Variants in MARCHF7 observed in about 807,000 individuals in gnomAD.
MARCHF7 encodes E3 ubiquitin-protein ligase MARCHF7.
MARCHF7 carries 20 observed loss-of-function variants against 76.5 expected under a neutral mutation model. The observed-to-expected ratio is 0.26, with a 90% CI of 0.18 to 0.38. The LOEUF (loss-of-function observed/expected upper bound fraction) is 0.38. Ranked by LOEUF, MARCHF7 falls within the 10% of genes least tolerant of loss-of-function variation. MARCHF7 has a pLI of 1.00. For missense variants in MARCHF7, 797 were observed against 812.9 expected (o/e 0.98, Z 0.24); for synonymous variants, 295 against 293.0 (o/e 1.01, Z -0.07).
intron 3 of MARCHF7, among the ~76,000 whole-genome samples, chr2:159,720,605 A>T (rs751484989): frequency 6.6e-6 from 1 of 151,944 alleles, no homozygotes; most frequent in Non-Finnish European, 1.5e-5. Context: ...GTAGTATCTT[A>T]TTTTGCTGTA....
intron 8 of MARCHF7, among the ~76,000 whole-genome samples, chr2:159,753,902 AAAC>A (rs1352363635): frequency 6.6e-6 from 1 of 152,178 alleles, no homozygotes; most frequent in Non-Finnish European, 1.5e-5. Context: ...AATGAAGGAG[AAAC>A]AACAATTAGG....
In MARCHF7 at chr2:159,748,178, A is replaced by C. The variant is rs1302370499; in HGVS notation, c.888A>C (p.Ser296=). ...IASSMSSTFF[S]RRSSQDSLNT... is the part of the protein sequence containing the mutation. ...CTAGCATGTCATCTACTTTTTTTTC[A>C]CGAAGATCTAGTCAGGATTCCTTGA... Residue 296 remains serine (S), a synonymous_variant, in exon 7 of 12, where the codon TCA becomes TCC. Transcript: ENST00000409175. 6.2e-7 allele frequency: 1 copy of C among 1,610,920 alleles called. No homozygotes were observed. The highest frequency in any genetic ancestry group is 8.5e-7 in the Non-Finnish European group (1 of 1,179,182).
intron 4 of MARCHF7, among the ~76,000 whole-genome samples, chr2:159,736,812 T>C (rs1363766834): frequency 6.6e-6 from 1 of 152,210 alleles, no homozygotes; most frequent in Non-Finnish European, 1.5e-5. Context: ...TTCTATTCAT[T>C]GTGCATAGAG....
chr2:159,752,199 C>G (rs554423132), intron 7 of MARCHF7, among the ~76,000 whole-genome samples: 2 of 152,158 alleles, frequency 1.3e-5, no homozygotes, highest in South Asian at 4.2e-4. Flanking sequence ...TTTTTATTCT[C>G]AATGAGAGAG....
intron 4 of MARCHF7, chr2:159,733,977 G>A (rs764280421): frequency 9.0e-5 from 117 of 1,303,580 alleles, no homozygotes; most frequent in Admixed American, 7.4e-4. Flanking sequence ...TGTAAGCTGC[G>A]CTTCACCTGC....
In MARCHF7 at chr2:159,748,054, G is replaced by A. The variant is rs760875848; in HGVS notation, c.764G>A (p.Ser255Asn). 1 of 1,614,140 alleles carries A rather than the reference G, an allele frequency of 6.2e-7. No homozygotes were observed. The highest frequency in any genetic ancestry group is 1.7e-5 in the Admixed American group (1 of 60,018). The change falls in exon 7 of 12, where the codon AGC (serine) becomes AAC (asparagine). Residue 255 changes from serine (S) to asparagine (N), a missense_variant. Ser to Asn is a conservative substitution (Grantham distance 46). This residue lies in a region of MARCHF7 where 643 missense variants were observed against 631.5 expected (regional missense o/e 1.02). Coordinates refer to ENST00000409175, the MANE Select transcript of MARCHF7 (RefSeq NM_001282805.2). ...AGTAGAGATGAAGCCCCAATCATAA[G>A]CAATTCAGAAAGGGTTGTTTCATCT... ...SSSRDEAPII[S>N]NSERVVSSQR... is the part of the protein sequence containing the mutation.
intron 3 of MARCHF7, among the ~76,000 whole-genome samples, chr2:159,718,624 G>A (rs1008666439): frequency 6.6e-6 from 1 of 152,154 alleles, no homozygotes; most frequent in African/African-American, 2.4e-5. Flanking sequence ...GGAGTTCACA[G>A]CTTTCCAAAT....
chr2:159,733,051 A>G (rs984961366), intron 4 of MARCHF7: 4 of 593,702 alleles, frequency 6.7e-6, no homozygotes, highest in Non-Finnish European at 8.3e-6. Context: ...TATAATTGTT[A>G]TTTTTATTTA....
intron 4 of MARCHF7, chr2:159,733,235 C>A: frequency 1.2e-6 from 1 of 869,372 alleles, no homozygotes; most frequent in Non-Finnish European, 1.4e-6. Context: ...TCAAAGGGAG[C>A]ATTTTAAAAT....
At chr2:159,746,555 C>T (rs1704919004) in intron 6 of MARCHF7, among the ~76,000 whole-genome samples, 1 of 152,224 alleles carries the variant, frequency 6.6e-6, no homozygotes, top group Non-Finnish European at 1.5e-5. Flanking sequence ...GCATATGCCA[C>T]CATGCCCAGC....
chr2:159,762,893 T>A lies in MARCHF7; in HGVS notation c.1907T>A (p.Phe636Tyr). ...AHANEQAEYE[F>Y]ISSGLYLVVL... ...TCCCTGTTGAAGGCTGAGTATGAGTTTATCAGCTCTGGTCTCTACCTAGTG... is the reference window on the plus strand; with the variant it reads ...TCCCTGTTGAAGGCTGAGTATGAGTATATCAGCTCTGGTCTCTACCTAGTG... The change falls in exon 10 of 12, where the codon TTT becomes TAT. Residue 636 changes from phenylalanine (F) to tyrosine (Y), a missense_variant. Phe to Tyr is a conservative substitution (Grantham distance 22). Transcript: ENST00000409175. 6.2e-7 allele frequency: 1 copy of A among 1,607,450 alleles called. No individual in the cohort carries two copies. The highest frequency in any genetic ancestry group is 8.5e-7 in the Non-Finnish European group (1 of 1,177,772).
In MARCHF7 at chr2:159,770,939, T is replaced by C. The variant is rs1267127386; in HGVS notation, c.*3597T>C. ...TTGATGGTGAGGAAAATTACTCGTTTCAGCTTTTTCATTTTTTTACTCCCC... is the reference window on the plus strand; with the variant it reads ...TTGATGGTGAGGAAAATTACTCGTTCCAGCTTTTTCATTTTTTTACTCCCC... On this transcript the variant is annotated 3_prime_UTR_variant, in exon 12 of 12. Coordinates refer to ENST00000409175, the MANE Select transcript of MARCHF7 (RefSeq NM_001282805.2). 6.6e-6 allele frequency: 1 copy of C among 152,204 alleles called. No individual in the cohort carries two copies. The highest frequency in any genetic ancestry group is 1.5e-5 in the Non-Finnish European group (1 of 68,010). The allele number at this position is 152,204 out of a possible 1,614,324, so 9.4% of individuals were successfully genotyped here.
At chr2:159,764,212 TTGTGTGTGTG>T (rs377705664) in intron 10 of MARCHF7, among the ~76,000 whole-genome samples, 31,064 of 138,508 alleles carry the variant, frequency 0.22, 4,314 homozygotes, top group Admixed American at 0.4. Context: ...CTTGGGAGTT[TTGTGTGTGTG>T]TGTGTGTGTG....
chr2:159,757,656 T>C (rs1158952894), intron 8 of MARCHF7, among the ~76,000 whole-genome samples: 1 of 152,186 alleles, frequency 6.6e-6, no homozygotes, highest in Non-Finnish European at 1.5e-5. Flanking sequence ...AAAAAACATG[T>C]AGAAATAAAT....
At chr2:159,716,950 A>G (rs1193786504) in intron 3 of MARCHF7, among the ~76,000 whole-genome samples, 2 of 152,212 alleles carry the variant, frequency 1.3e-5, no homozygotes, top group African/African-American at 2.4e-5. Flanking sequence ...TTACAGTTCT[A>G]GGTGCCTGTT....
chr2:159,751,769 A>T (rs1238635861), intron 7 of MARCHF7, among the ~76,000 whole-genome samples: 5 of 152,222 alleles, frequency 3.3e-5, no homozygotes, highest in Admixed American at 6.5e-5. Context: ...GGCCTGTTAA[A>T]TAGAGGACGT....
At chr2:159,734,186 G>A in intron 4 of MARCHF7, 1 of 961,868 alleles carries the variant, frequency 1.0e-6, no homozygotes, top group African/African-American at 1.7e-5. Context: ...GTATTTTTCT[G>A]TAACTTTAAG....
intron 3 of MARCHF7, among the ~76,000 whole-genome samples, chr2:159,723,777 A>G (rs1701882489): frequency 6.6e-6 from 1 of 152,212 alleles, no homozygotes; most frequent in Admixed American, 6.5e-5. Context: ...AGTTTTTCCA[A>G]GTTAAAAAAT....
chr2:159,770,660 AT>A lies in MARCHF7; in HGVS notation c.*3323del, dbSNP rs1040880366. The A allele has an allele frequency of 6.6e-6, 1 of 152,020 alleles. No homozygotes were observed. Among genetic ancestry groups the A allele is most frequent in the Non-Finnish European group, 1.5e-5 (1 of 68,006 alleles). 9.4% of individuals were successfully genotyped at this position (152,020 alleles called of 1,614,324 possible). ...GAACAGTGTTTCCTTAGTAGACCAT[AT>A]TTTTACTGTACCTTTTCTATATTTA... On this transcript the variant is annotated 3_prime_UTR_variant, in exon 12 of 12. Transcript: ENST00000409175.
Sources: allele counts gnomAD v4.1 joint callset (sites outside exome capture counted in the v4.1 genomes callset), GRCh38; gene constraint gnomAD v4.1.1; regional missense constraint gnomAD v4.1.1; transcripts MANE v1.5; gene names NCBI Gene and HGNC (gene_info 2026-07-23, HGNC 2026-07-21).